The following ANKRD55 variants were observed in gnomAD, a reference collection of about 807,000 sequenced individuals.
ANKRD55 encodes ankyrin repeat domain-containing protein 55.
Under a neutral mutation model 60.6 loss-of-function variants are expected in ANKRD55, and 41 were observed. That is an observed-to-expected ratio of 0.68 (90% CI 0.53 to 0.88). The LOEUF (loss-of-function observed/expected upper bound fraction) is 0.88. Ranked by LOEUF, ANKRD55 falls within the 40% of genes least tolerant of loss-of-function variation. ANKRD55 has a pLI of 0.00. For missense variants in ANKRD55, 732 were observed against 767.6 expected, an observed-to-expected ratio of 0.95 and a Z score of 0.55; for synonymous variants, 264 against 290.3, an observed-to-expected ratio of 0.91 and a Z score of 0.92.
chr5:56,166,766 T>C (rs1441254027), intron 5 of ANKRD55, among the ~76,000 whole-genome samples: 1 of 150,814 alleles, frequency 6.6e-6, no homozygotes, highest in Non-Finnish European at 1.5e-5. Context: ...ACAGTGTCTG[T>C]ATAGTAAAAT....
intron 5 of ANKRD55, among the ~76,000 whole-genome samples, chr5:56,167,670 T>G (rs888371694): frequency 6.6e-6 from 1 of 152,218 alleles, no homozygotes; most frequent in Non-Finnish European, 1.5e-5. Flanking sequence ...AACTACGTCA[T>G]CTGCACACAG....
chr5:56,141,152 T>G (rs1298059641), intron 7 of ANKRD55, among the ~76,000 whole-genome samples: 1 of 140,100 alleles, frequency 7.1e-6, no homozygotes, highest in African/African-American at 2.8e-5. Context: ...TTTTTTTTTA[T>G]ATAGAGATGG....
chr5:56,210,697 T>C (rs1561294034), intron 2 of ANKRD55, among the ~76,000 whole-genome samples: 1 of 151,946 alleles, frequency 6.6e-6, no homozygotes. Context: ...GGTAAAAAAA[T>C]ATCTTTTCAG....
At chr5:56,155,903 T>TATACAC (rs929617005) in intron 6 of ANKRD55, among the ~76,000 whole-genome samples, 8 of 151,286 alleles carry the variant, frequency 5.3e-5, no homozygotes, top group African/African-American at 1.7e-4. Context: ...GATACATATA[T>TATACAC]ATACACATAC....
chr5:56,126,005 G>A (rs927254399), intron 8 of ANKRD55, among the ~76,000 whole-genome samples: 9 of 152,078 alleles, frequency 5.9e-5, no homozygotes, highest in Admixed American at 3.9e-4. Context: ...ATGGTGGCAG[G>A]AGCCTGTAGT....
chr5:56,217,298 G>A (rs1759836191), intron 2 of ANKRD55, among the ~76,000 whole-genome samples: 1 of 152,194 alleles, frequency 6.6e-6, no homozygotes, highest in African/African-American at 2.4e-5. Flanking sequence ...TCAATGAGCA[G>A]TAATATTTTG....
At chr5:56,135,290 G>GCCTGCTTTCTTTCTTTCTTT (rs1554038504) in intron 7 of ANKRD55, among the ~76,000 whole-genome samples, 7 of 69,300 alleles carry the variant, frequency 1.0e-4, no homozygotes, top group Non-Finnish European at 1.8e-4. Flanking sequence ...CTGCCTGCCT[G>GCCTGCTTTCTTTCTTTCTTT]CTTGCTTTCT....
At chr5:56,135,278 C>CCTG (rs1757538944) in intron 7 of ANKRD55, among the ~76,000 whole-genome samples, 6 of 76,948 alleles carry the variant, frequency 7.8e-5, no homozygotes, top group East Asian at 7.7e-4. Context: ...CTCCCTCCCT[C>CCTG]CCTGCCTGCC....
chr5:56,193,371 T>C lies in ANKRD55; in HGVS notation c.59-9737A>G. Reference sequence around the variant, plus strand: ...CATCCCTTTGTTTCAGAACACCATTTAATAAAGGTTATCTACCTAGAACCT... The same window carrying C: ...CATCCCTTTGTTTCAGAACACCATTCAATAAAGGTTATCTACCTAGAACCT... On this transcript the variant is annotated intron_variant, in intron 2 of 11. Transcript: ENST00000341048. 8.4e-6 allele frequency: 6 copies of C among 717,856 alleles called. No individual in the cohort carries two copies. The South Asian group carries it at 9.0e-5, about 11-fold the overall frequency. The allele number at this position is 717,856 out of a possible 1,614,324, so 44.5% of individuals were successfully genotyped here. A position where few individuals can be genotyped will look rare whatever the true frequency, so the allele number is the denominator to read the frequency against.
At chr5:56,195,851 C>T (rs890316105) in intron 2 of ANKRD55, among the ~76,000 whole-genome samples, 1 of 152,142 alleles carries the variant, frequency 6.6e-6, no homozygotes, top group Non-Finnish European at 1.5e-5. Flanking sequence ...GATTACTCTG[C>T]CCACATAGTG....
At chr5:56,140,085 T>A (rs1268028353) in intron 7 of ANKRD55, among the ~76,000 whole-genome samples, 14 of 152,168 alleles carry the variant, frequency 9.2e-5, no homozygotes, top group Non-Finnish European at 1.9e-4. Context: ...ATTATTTCAA[T>A]GAACTATAGC....
chr5:56,226,951 C>G (rs1760127907), intron 2 of ANKRD55, among the ~76,000 whole-genome samples: 1 of 152,160 alleles, frequency 6.6e-6, no homozygotes, highest in African/African-American at 2.4e-5. Flanking sequence ...GGATCTAGAA[C>G]TAGAAATACC....
intron 2 of ANKRD55, among the ~76,000 whole-genome samples, chr5:56,191,808 C>G (rs992667498): frequency 6.6e-6 from 1 of 152,136 alleles, no homozygotes; most frequent in Admixed American, 6.5e-5. Context: ...AACCACAGCA[C>G]AACAAGGAAA....
At chr5:56,113,395 G>C (rs1326363274) in intron 9 of ANKRD55, among the ~76,000 whole-genome samples, 1 of 152,094 alleles carries the variant, frequency 6.6e-6, no homozygotes, top group Non-Finnish European at 1.5e-5. Context: ...CTTGTTTAGG[G>C]AGTACAAGTT....
At chr5:56,182,948 T>G (rs548291228) in intron 3 of ANKRD55, among the ~76,000 whole-genome samples, 12 of 152,364 alleles carry the variant, frequency 7.9e-5, no homozygotes, top group African/African-American at 2.9e-4. Context: ...TTTGTTGTTT[T>G]TCTTGCTGTT....
At chr5:56,203,695 A>G (rs1406791675) in intron 2 of ANKRD55, among the ~76,000 whole-genome samples, 2 of 152,150 alleles carry the variant, frequency 1.3e-5, no homozygotes, top group South Asian at 2.1e-4. Context: ...ATAGTATTCC[A>G]TGGTGTATAT....
chr5:56,111,357 T>C lies in ANKRD55; in HGVS notation c.1391A>G (p.His464Arg). Residue 464 changes from histidine (H) to arginine (R), a missense_variant, in exon 10 of 12, where the codon CAT becomes CGT. His to Arg is a conservative substitution (Grantham distance 29). Coordinates refer to ENST00000341048, the MANE Select transcript of ANKRD55 (RefSeq NM_024669.3). ...TTTCTGAGATCGCTGGGCCATATGA[T>C]GAGGAGCAGAGCTCAGGCCTGCATG... Reference protein sequence around the residue: ...TSHAGLSSAPHHMAQRSQKSR... With the variant: ...TSHAGLSSAPRHMAQRSQKSR... 1 of 1,614,114 alleles carries C rather than the reference T, an allele frequency of 6.2e-7. No homozygotes were observed. The highest frequency in any genetic ancestry group is 8.5e-7 in the Non-Finnish European group (1 of 1,180,040).
chr5:56,126,789 T>A, intron 8 of ANKRD55, 133 bp downstream of exon 8: 1 of 987,296 alleles, frequency 1.0e-6, no homozygotes, highest in Non-Finnish European at 1.4e-6. Context: ...ATTTTTATTG[T>A]CACAAGCCCA....
chr5:56,101,948 T>A (rs1756288700), intron 11 of ANKRD55, among the ~76,000 whole-genome samples: 1 of 152,172 alleles, frequency 6.6e-6, no homozygotes, highest in Admixed American at 6.5e-5. Context: ...ATAAACTTGT[T>A]ATTGTTTCAA....
Sources: gnomAD v4.1 joint callset for allele counts (sites outside exome capture counted in the v4.1 genomes callset) on GRCh38, gnomAD v4.1.1 for gene constraint, MANE v1.5 for transcripts, NCBI Gene and HGNC (gene_info 2026-07-23, HGNC 2026-07-21) for gene names.